NTRK1: variants seen among roughly 807,000 people sequenced by gnomAD.
The protein encoded by NTRK1 is neurotrophic receptor tyrosine kinase 1, also known as high affinity nerve growth factor receptor.
NTRK1 carries 62 observed loss-of-function variants against 86.8 expected under a neutral mutation model. That is an observed-to-expected ratio of 0.71 (90% CI 0.58 to 0.88). The LOEUF is 0.88. Ranked by LOEUF, NTRK1 falls within the 40% of genes least tolerant of loss-of-function variation. NTRK1 has a pLI of 0.00. For synonymous variants in NTRK1, 469 were observed against 456.6 expected (o/e 1.03, Z -0.35); for missense variants, 967 against 1,078.4 (o/e 0.90, Z 1.45).
intron 2 of NTRK1, chr1:156,852,078 G>A (rs748425280): frequency 4.4e-5 from 71 of 1,613,580 alleles, no homozygotes; most frequent in Non-Finnish European, 5.8e-5. Flanking sequence ...AAGTAGAGGT[G>A]GCGGCAAGCT....
chr1:156,879,861 G>A (rs1648151336), intron 15 of NTRK1, 138 bp from the exon 16 acceptor site: 1 of 1,051,046 alleles, frequency 9.5e-7, no homozygotes, highest in Admixed American at 2.0e-5. Flanking sequence ...GCCCACCTCG[G>A]CCTCCCAAAG....
At chr1:156,876,858 C>T (rs909797043) in intron 14 of NTRK1, among the ~76,000 whole-genome samples, 7 of 152,150 alleles carry the variant, frequency 4.6e-5, no homozygotes, top group African/African-American at 1.7e-4. Flanking sequence ...GGTGTATGTG[C>T]ATTTGTGTGT....
intron 2 of NTRK1, chr1:156,845,233 G>C: frequency 6.2e-7 from 1 of 1,610,318 alleles, no homozygotes; most frequent in Non-Finnish European, 8.5e-7. Context: ...CCTGGATCTC[G>C]AAATCCGAGC....
chr1:156,878,976 A>C, intron 14 of NTRK1, 146 bp from the exon 15 acceptor site: 6 of 905,052 alleles, frequency 6.6e-6, no homozygotes, highest in Non-Finnish European at 1.0e-5. Flanking sequence ...ACCCCTCTGG[A>C]CAGCTGCCTC....
chr1:156,862,589 C>A (rs41519444), intron 1 of NTRK1, among the ~76,000 whole-genome samples: 1 of 152,090 alleles, frequency 6.6e-6, no homozygotes, highest in African/African-American at 2.4e-5. Flanking sequence ...AGCCTGACAT[C>A]CCCCTCCCCA....
At position 156,844,256 on chromosome 1, in the gene NTRK1, T is replaced by G. The variant is rs765255663; in HGVS notation, c.50+2063T>G. ...CACAGGGGTGGCAGTGAGGAGGACA[T>G]GCAGCCCCCCAGCATCCTCCTCCTC... On this transcript the variant is annotated intron_variant, in intron 2 of 16. Coordinates refer to the NTRK1 transcript ENST00000392302. The G allele has an allele frequency of 1.9e-6, 3 of 1,613,594 alleles. No individual in the cohort carries two copies. The Admixed American group carries it at 5.0e-5, about 27-fold the overall frequency.
intron 1 of NTRK1, among the ~76,000 whole-genome samples, chr1:156,861,665 G>A (rs1020065048): frequency 6.6e-6 from 1 of 152,200 alleles, no homozygotes; most frequent in South Asian, 2.1e-4. Flanking sequence ...GAGCTGAGTG[G>A]TTGAGCTCTC....
intron 1 of NTRK1, among the ~76,000 whole-genome samples, chr1:156,829,578 G>A (rs905593058): frequency 7.9e-5 from 12 of 152,178 alleles, no homozygotes; most frequent in African/African-American, 2.7e-4. Context: ...CCAGCTCTGG[G>A]TAGGATGACA....
intron 3 of NTRK1, among the ~76,000 whole-genome samples, chr1:156,865,790 C>A (rs182573599): frequency 1.3e-5 from 2 of 152,248 alleles, no homozygotes; most frequent in East Asian, 3.9e-4. Flanking sequence ...CTCCCCTGTC[C>A]CCCAATATGA....
intron 1 of NTRK1, chr1:156,816,802 C>G (rs1478787132): frequency 1.6e-6 from 2 of 1,235,214 alleles, no homozygotes; most frequent in Non-Finnish European, 2.2e-6. Flanking sequence ...TCCTCTCACC[C>G]TGGCCCCGGG....
intron 4 of NTRK1, among the ~76,000 whole-genome samples, 161 bp downstream of exon 4, chr1:156,867,139 G>GC (rs2102890236): frequency 6.6e-6 from 1 of 152,382 alleles, no homozygotes; most frequent in South Asian, 2.1e-4. Context: ...CAAAGCAGGG[G>GC]CTGCAGGACT....
In NTRK1 at chr1:156,879,355, A is replaced by G; in HGVS notation, c.2039A>G (p.Tyr680Cys). ...AGCAGGGATATCTACAGCACCGACT[A>G]TTACCGTGTAAGGGTCCTTTGTCCC... The part of the protein sequence containing the change: ...GMSRDIYSTD[Y>C]YRVGGRTMLP... Residue 680 changes from tyrosine (Y) to cysteine (C), a missense_variant, in exon 15 of 17, where the codon TAT (tyrosine) becomes TGT (cysteine). By Grantham distance (194) the Tyr-to-Cys change is radical (BLOSUM62 -2). Coordinates refer to ENST00000524377, the MANE Select transcript of NTRK1 (RefSeq NM_002529.4). 1.2e-6 allele frequency: 2 copies of G among 1,603,526 alleles called. No individual in the cohort carries two copies. Among genetic ancestry groups the G allele is most frequent in the African/African-American group, 1.3e-5 (1 of 75,000 alleles).
intron 9 of NTRK1, 39 bp from the exon 10 acceptor site, chr1:156,874,532 T>C (rs769702952): frequency 6.2e-7 from 1 of 1,612,054 alleles, no homozygotes; most frequent in Non-Finnish European, 8.5e-7. Context: ...GGCTACAGTG[T>C]GTGTCAAGGC....
chr1:156,866,776 T>C (rs1468526544), intron 3 of NTRK1, 134 bp from the exon 4 acceptor site: 1 of 596,296 alleles, frequency 1.7e-6, no homozygotes, highest in Non-Finnish European at 3.0e-6. Context: ...CTTCCAGGGC[T>C]GGTTCTGGTT....
intron 2 of NTRK1, chr1:156,853,647 A>G: frequency 1.7e-6 from 2 of 1,146,062 alleles, no homozygotes; most frequent in Non-Finnish European, 2.5e-6. Context: ...GGATTAAAAA[A>G]CAGTGGCAGC....
In NTRK1 at chr1:156,841,332, G is replaced by A. The variant is rs1190849923; in HGVS notation, c.-63-749G>A. 1.1e-5 allele frequency: 16 copies of A among 1,512,166 alleles called. No individual in the cohort carries two copies. In the Admixed American group the frequency reaches 2.7e-4, roughly 25 times the overall value. The allele number at this position is 1,512,166 out of a possible 1,614,324, so 93.7% of individuals were successfully genotyped here. ...AGAGGAGGTGAGCCAGAATCATGGG[G>A]CCGGGTGGGGGAGGGTTGTAGGTAG... On this transcript the variant is annotated intron_variant, in intron 1 of 16. Transcript: ENST00000392302.
chr1:156,818,219 G>T (rs1246819429), intron 1 of NTRK1, among the ~76,000 whole-genome samples: 1 of 151,400 alleles, frequency 6.6e-6, no homozygotes, highest in Non-Finnish European at 1.5e-5. Context: ...TTGGTACTGA[G>T]AACCCAGAGA....
intron 2 of NTRK1, among the ~76,000 whole-genome samples, chr1:156,847,155 C>T (rs568515702): frequency 2.0e-4 from 30 of 152,358 alleles, no homozygotes; most frequent in African/African-American, 6.0e-4. Context: ...CTGCTCCCTT[C>T]CCAGTGTCTT....
intron 14 of NTRK1, among the ~76,000 whole-genome samples, chr1:156,878,916 C>A (rs759483866): frequency 3.3e-5 from 5 of 152,174 alleles, no homozygotes; most frequent in Non-Finnish European, 7.4e-5. Flanking sequence ...CATGGGCTGT[C>A]TCTGGTGGGA....
Sources: gnomAD v4.1 joint callset for allele counts (sites outside exome capture counted in the v4.1 genomes callset) on GRCh38, gnomAD v4.1.1 for gene constraint, MANE v1.5 for transcripts, NCBI Gene and HGNC (gene_info 2026-07-23, HGNC 2026-07-21) for gene names.